Variants in PHACTR3 observed in about 807,000 individuals in gnomAD.
The protein encoded by PHACTR3 is phosphatase and actin regulator 3, also known as protein phosphatase 1, regulatory subunit 123.
Under a neutral mutation model 66.8 loss-of-function variants are expected in PHACTR3, and 16 were observed. That is an observed-to-expected ratio of 0.24 (90% CI 0.16 to 0.36). The LOEUF (loss-of-function observed/expected upper bound fraction) is 0.36. Among genes scored for constraint, PHACTR3 ranks in the 10% least tolerant of loss-of-function variants. The pLI is 1.00. For synonymous variants in PHACTR3, 323 were observed against 292.1 expected, an observed-to-expected ratio of 1.11 and a Z score of -1.08; for missense variants, 647 against 719.9, an observed-to-expected ratio of 0.90 and a Z score of 1.16.
intron 7 of PHACTR3, among the ~76,000 whole-genome samples, chr20:59,791,533 A>T (rs1369484240): frequency 6.6e-6 from 1 of 151,848 alleles, no homozygotes; most frequent in Admixed American, 6.6e-5. Context: ...CTCAAGGAGC[A>T]CTGCCCAGAG....
At chr20:59,767,486 C>G in intron 5 of PHACTR3, 91 bp downstream of exon 5, 1 of 1,365,918 alleles carries the variant, frequency 7.3e-7, no homozygotes, top group Non-Finnish European at 1.0e-6. Context: ...CATCATCTAT[C>G]TATTTATTCA....
chr20:59,810,546 T>C (rs1367407349), intron 8 of PHACTR3, among the ~76,000 whole-genome samples: 1 of 152,232 alleles, frequency 6.6e-6, no homozygotes, highest in East Asian at 1.9e-4. Flanking sequence ...CACCGTCTCT[T>C]GCTAAGTAAT....
At chr20:59,833,076 A>G (rs2042431818) in intron 8 of PHACTR3, among the ~76,000 whole-genome samples, 2 of 151,558 alleles carry the variant, frequency 1.3e-5, no homozygotes, top group Non-Finnish European at 2.9e-5. Flanking sequence ...GGGTCCTGGC[A>G]CTCTGTAAGT....
chr20:59,582,394 A>C (rs1437007535), intron 1 of PHACTR3, among the ~76,000 whole-genome samples: 1 of 152,204 alleles, frequency 6.6e-6, no homozygotes, highest in East Asian at 1.9e-4. Flanking sequence ...GCTGTGCTGC[A>C]GGGGACAACC....
rs2035229812 is a variant in PHACTR3, at chr20:59,644,868, G to C, written c.118+39736G>C. On this transcript the variant is annotated intron_variant, in intron 1 of 12. Coordinates refer to ENST00000371015, the MANE Select transcript of PHACTR3 (RefSeq NM_080672.5). ...GAGGATCTCTTTTTATAAAATTTCAGTTTTTATTTTAGGTTCTGGAGGTAC... is the reference window on the plus strand; with the variant it reads ...GAGGATCTCTTTTTATAAAATTTCACTTTTTATTTTAGGTTCTGGAGGTAC... Among the ~76,000 whole-genome samples, 3 of 152,086 alleles carry C rather than the reference G, an allele frequency of 2.0e-5. No homozygotes were observed. In the South Asian group the frequency reaches 6.2e-4, roughly 32 times the overall value.
At chr20:59,767,764 G>C (rs2040229260) in intron 5 of PHACTR3, among the ~76,000 whole-genome samples, 1 of 152,118 alleles carries the variant, frequency 6.6e-6, no homozygotes, top group South Asian at 2.1e-4. Flanking sequence ...CTTGGCTTTA[G>C]CTTGGCTTGG....
intron 1 of PHACTR3, among the ~76,000 whole-genome samples, chr20:59,723,048 C>G (rs1030511435): frequency 4.1e-5 from 6 of 147,002 alleles, no homozygotes; most frequent in East Asian, 2.0e-4. Context: ...TTCTCTTTTT[C>G]TTTCTTTCTT....
chr20:59,680,220 AAG>A (rs1410387256), intron 1 of PHACTR3, among the ~76,000 whole-genome samples: 2 of 152,292 alleles, frequency 1.3e-5, no homozygotes, highest in East Asian at 3.9e-4. Context: ...TACCAGGTTC[AAG>A]AGGCCAAAGA....
intron 1 of PHACTR3, among the ~76,000 whole-genome samples, chr20:59,714,778 A>T (rs1392313606): frequency 6.6e-6 from 1 of 152,232 alleles, no homozygotes; most frequent in Non-Finnish European, 1.5e-5. Flanking sequence ...GAACAAATAA[A>T]ATCTTTAAAA....
intron 1 of PHACTR3, chr20:59,628,748 T>C (rs1175656576): frequency 3.0e-6 from 3 of 985,410 alleles, no homozygotes; most frequent in Non-Finnish European, 3.6e-6. Context: ...AAGGATGGAT[T>C]TGTGGGACCC....
intron 1 of PHACTR3, among the ~76,000 whole-genome samples, chr20:59,711,281 C>T (rs2088493325): frequency 6.6e-6 from 1 of 152,164 alleles, no homozygotes; most frequent in Admixed American, 6.5e-5. Flanking sequence ...GTCTCTATCT[C>T]TGATTATGTA....
At chr20:59,676,653 C>T (rs2036459171) in intron 1 of PHACTR3, 1 of 983,228 alleles carries the variant, frequency 1.0e-6, no homozygotes. Context: ...GGCTCTTTGC[C>T]AATCTTGACC....
chr20:59,790,905 A>AG (rs1274086363), intron 7 of PHACTR3, among the ~76,000 whole-genome samples: 1 of 152,164 alleles, frequency 6.6e-6, no homozygotes, highest in Non-Finnish European at 1.5e-5. Context: ...TTTGTAGCTG[A>AG]GGAAGAGAAC....
chr20:59,747,377 C>T (rs774532287), intron 2 of PHACTR3, among the ~76,000 whole-genome samples: 16 of 152,144 alleles, frequency 1.1e-4, no homozygotes, highest in African/African-American at 3.9e-4. Context: ...GAAAGGAGCC[C>T]GGGGTGTTGG....
At chr20:59,785,884 T>TC (rs1191284652) in intron 7 of PHACTR3, among the ~76,000 whole-genome samples, 3 of 11,092 alleles carry the variant, frequency 2.7e-4, no homozygotes, top group East Asian at 5.1e-4. Flanking sequence ...CTACTTCATT[T>TC]TGTTTTCCAA....
intron 1 of PHACTR3, among the ~76,000 whole-genome samples, chr20:59,731,671 A>G (rs1243067823): frequency 1.3e-5 from 2 of 152,220 alleles, no homozygotes; most frequent in African/African-American, 2.4e-5. Context: ...CATATGAGAA[A>G]GAAAAGAAGC....
intron 1 of PHACTR3, among the ~76,000 whole-genome samples, chr20:59,661,060 AT>A (rs1256536996): frequency 6.6e-6 from 1 of 152,180 alleles, no homozygotes; most frequent in East Asian, 1.9e-4. Context: ...CTGTTTCAGA[AT>A]TTTAAAGTGG....
At chr20:59,847,065 C>T (rs1388040964) in intron 12 of PHACTR3, 50 bp from the exon 13 acceptor site, 5 of 1,347,002 alleles carry the variant, frequency 3.7e-6, no homozygotes, top group Non-Finnish European at 5.2e-6. Flanking sequence ...GCTATTTTAA[C>T]TGCTAGAAAT....
intron 8 of PHACTR3, among the ~76,000 whole-genome samples, chr20:59,835,223 G>A (rs1395441856): frequency 1.3e-5 from 2 of 152,214 alleles, no homozygotes; most frequent in Non-Finnish European, 2.9e-5. Flanking sequence ...ACTTAAGTGA[G>A]CTAGGCTTTG....
Sources: gnomAD v4.1 joint callset for allele counts (sites outside exome capture counted in the v4.1 genomes callset) on GRCh38, gnomAD v4.1.1 for gene constraint, MANE v1.5 for transcripts, NCBI Gene and HGNC (gene_info 2026-07-23, HGNC 2026-07-21) for gene names.